ZNF79: variants seen among roughly 807,000 people sequenced by gnomAD.
ZNF79 encodes zinc finger protein 79.
A neutral mutation model predicts 14.9 loss-of-function variants in ZNF79; 13 were observed. That is an observed-to-expected ratio of 0.87 (90% CI 0.57 to 1.38). The LOEUF is 1.38. Among genes scored for constraint, ZNF79 ranks in the 40% most tolerant of loss-of-function variants. The pLI, the probability that ZNF79 is intolerant of heterozygous loss-of-function variation, is 0.00. For synonymous variants in ZNF79, 223 were observed against 235.1 expected, an observed-to-expected ratio of 0.95 and a Z score of 0.47; for missense variants, 631 against 630.6, an observed-to-expected ratio of 1.00 and a Z score of -0.01.
Position 127,445,099 on chromosome 9 carries a change from C to T in ZNF79, c.1399C>T (p.His467Tyr). 4 of 1,614,026 alleles carry T rather than the reference C, an allele frequency of 2.5e-6. No homozygotes were observed. The highest frequency in any genetic ancestry group is 3.4e-6 in the Non-Finnish European group (4 of 1,179,996). Reference protein sequence around the residue: ...SSSLSQHQRIHTGVKPYECSE... With the variant: ...SSSLSQHQRIYTGVKPYECSE... ...ATCCCTTAGTCAGCATCAGAGAATCCACACAGGCGTGAAACCCTACGAATG... is the reference window on the plus strand; with the variant it reads ...ATCCCTTAGTCAGCATCAGAGAATCTACACAGGCGTGAAACCCTACGAATG... Residue 467 changes from histidine (H) to tyrosine (Y), a missense_variant, in exon 5 of 5, where the codon CAC becomes TAC. Transcript: ENST00000342483.
chr9:127,431,984 G>C (rs542657631), intron 2 of ZNF79, among the ~76,000 whole-genome samples: 1 of 152,206 alleles, frequency 6.6e-6, no homozygotes, highest in East Asian at 1.9e-4. Context: ...TTTGTTTCAC[G>C]TAGTCCTATG....
rs768696043 is a variant in ZNF79 at position 127,424,760 on chromosome 9, G to C, written c.-28G>C. 6.2e-7 allele frequency: 1 copy of C among 1,613,776 alleles called. No homozygotes were observed. The highest frequency in any genetic ancestry group is 1.7e-5 in the Admixed American group (1 of 60,004). ...GACCCTTACGCCCAGAGAACTGCTG[G>C]GAGGCTGTGGCGCGAGGCGGGACTC... On this transcript the variant is annotated 5_prime_UTR_variant, in exon 1 of 5. Coordinates refer to ENST00000342483, the MANE Select transcript of ZNF79 (RefSeq NM_007135.3).
chr9:127,427,252 C>CT (rs1833773269), intron 1 of ZNF79, among the ~76,000 whole-genome samples: 1 of 127,402 alleles, frequency 7.8e-6, no homozygotes, highest in African/African-American at 2.9e-5. Context: ...ACCCCGTCTA[C>CT]TAAAAAAAAA....
intron 1 of ZNF79, among the ~76,000 whole-genome samples, chr9:127,426,607 C>T (rs1397446580): frequency 2.6e-5 from 4 of 152,174 alleles, no homozygotes; most frequent in South Asian, 2.1e-4. Context: ...AACGCCTGAC[C>T]TCAGGCAATC....
At chr9:127,428,671 G>A (rs1336838313) in intron 1 of ZNF79, 161 bp from the exon 2 acceptor site, 3 of 1,242,840 alleles carry the variant, frequency 2.4e-6, no homozygotes, top group Non-Finnish European at 3.0e-6. Context: ...GTGAGTTGAT[G>A]GAATTTCTGA....
chr9:127,424,764 G>A lies in ZNF79; in HGVS notation c.-24G>A. 1 of 1,613,834 alleles carries A rather than the reference G, an allele frequency of 6.2e-7. No homozygotes were observed. The highest frequency in any genetic ancestry group is 1.7e-5 in the Admixed American group (1 of 60,002). ...CTTACGCCCAGAGAACTGCTGGGAG[G>A]CTGTGGCGCGAGGCGGGACTCAAAT... On this transcript the variant is annotated 5_prime_UTR_variant, in exon 1 of 5. Coordinates refer to ENST00000342483, the MANE Select transcript of ZNF79 (RefSeq NM_007135.3).
chr9:127,432,526 A>G (rs901755992), intron 2 of ZNF79, among the ~76,000 whole-genome samples: 2 of 115,058 alleles, frequency 1.7e-5, no homozygotes, highest in South Asian at 3.1e-4. Flanking sequence ...GTTTTTGGCT[A>G]TGTATTTTTT....
At chr9:127,438,763 C>CAG (rs944893044) in intron 4 of ZNF79, among the ~76,000 whole-genome samples, 2 of 152,056 alleles carry the variant, frequency 1.3e-5, no homozygotes, top group Non-Finnish European at 2.9e-5. Flanking sequence ...AGGGGGAGGT[C>CAG]AGAGAGAGAG....
intron 4 of ZNF79, among the ~76,000 whole-genome samples, chr9:127,442,320 GA>G (rs1834063598): frequency 6.6e-6 from 1 of 150,644 alleles, no homozygotes; most frequent in African/African-American, 2.4e-5. Context: ...AGAATTGCTT[GA>G]ACTCAGGAGG....
intron 4 of ZNF79, 140 bp downstream of exon 4, chr9:127,436,143 G>A: frequency 1.4e-6 from 1 of 700,634 alleles, no homozygotes; most frequent in Non-Finnish European, 2.4e-6. Flanking sequence ...ATGGAGCTGA[G>A]AAAGGCTGGC....
In ZNF79 at chr9:127,444,558, C is replaced by T; in HGVS notation, c.858C>T (p.Phe286=). Residue 286 remains phenylalanine (F), a synonymous_variant, in exon 5 of 5, where the codon TTC becomes TTT. Transcript: ENST00000342483. ...PYRCSECEKA[F]SDCSALVQHQ... ...GATGCAGCGAGTGTGAGAAAGCCTT[C>T]AGTGACTGCTCAGCTCTTGTTCAGC... is the stretch of plus-strand genomic sequence containing the variant. 1.2e-6 allele frequency: 2 copies of T among 1,614,198 alleles called. No individual in the cohort carries two copies. The highest frequency in any genetic ancestry group is 1.1e-5 in the South Asian group (1 of 91,082).
intron 1 of ZNF79, among the ~76,000 whole-genome samples, chr9:127,426,914 G>A (rs936084818): frequency 4.6e-5 from 7 of 152,108 alleles, no homozygotes; most frequent in Admixed American, 3.3e-4. Context: ...TCTCAGCAGT[G>A]TATGAGGTTT....
chr9:127,435,469 C>G (rs892674158), intron 3 of ZNF79, among the ~76,000 whole-genome samples: 16 of 152,186 alleles, frequency 1.1e-4, no homozygotes, highest in Admixed American at 9.8e-4. Context: ...GTCATTTCCT[C>G]TATGTTCAGT....
At position 127,445,180 on chromosome 9, in the gene ZNF79, C is replaced by G. The variant is rs1309015906; in HGVS notation, c.1480C>G (p.Leu494Val). 6.2e-7 allele frequency: 1 copy of G among 1,614,062 alleles called. No individual in the cohort carries two copies. Among genetic ancestry groups the G allele is most frequent in the Non-Finnish European group, 8.5e-7 (1 of 1,179,932 alleles). Residue 494 changes from leucine to valine, a missense_variant, in exon 5 of 5, where the codon CTC becomes GTC. Leu to Val is a conservative substitution (Grantham distance 32, BLOSUM62 1). Transcript: ENST00000342483. ...CSSAFVRHQR[L>V]HAGE is the part of the protein sequence containing the mutation. ...CTCTGCCTTCGTTAGACATCAGAGACTCCACGCCGGAGAGTAACTAGGAAC... is the reference window on the plus strand; with the variant it reads ...CTCTGCCTTCGTTAGACATCAGAGAGTCCACGCCGGAGAGTAACTAGGAAC...
At chr9:127,424,902 C>G in intron 1 of ZNF79, 99 bp downstream of exon 1, 1 of 1,579,556 alleles carries the variant, frequency 6.3e-7, no homozygotes, top group South Asian at 1.1e-5. Flanking sequence ...CTCTTTATCT[C>G]TCCTACAGGT....
chr9:127,436,083 C>A, intron 4 of ZNF79, 80 bp downstream of exon 4: 1 of 1,209,270 alleles, frequency 8.3e-7, no homozygotes, highest in South Asian at 1.2e-5. Flanking sequence ...ATTTGATTAT[C>A]ATAACAACTG....
At chr9:127,438,427 T>G (rs1323708630) in intron 4 of ZNF79, among the ~76,000 whole-genome samples, 1 of 152,232 alleles carries the variant, frequency 6.6e-6, no homozygotes. Flanking sequence ...GGAGCTTTCA[T>G]GCCTTCCCTG....
Position 127,437,157 on chromosome 9 carries a change from A to G in ZNF79, c.328+1154A>G, listed in dbSNP as rs115347700. ...TGCTGCTGATAGGGCAATGGGCACA[A>G]GCCCCTGGAGCATTCTTTGCATGGT... On this transcript the variant is annotated intron_variant, in intron 4 of 4. Transcript: ENST00000342483. 7.3e-3 allele frequency among the ~76,000 whole-genome samples: 1,103 copies of G among 152,082 alleles called. 11 individuals are homozygous for G. The highest frequency in any genetic ancestry group is 0.025 in the African/African-American group (1,045 of 41,476).
intron 4 of ZNF79, among the ~76,000 whole-genome samples, chr9:127,438,548 A>G (rs1165515920): frequency 1.3e-5 from 2 of 152,164 alleles, no homozygotes; most frequent in Non-Finnish European, 1.5e-5. Flanking sequence ...CACGGACAGC[A>G]TGTTGAGATG....
Sources: allele counts gnomAD v4.1 joint callset (sites outside exome capture counted in the v4.1 genomes callset), GRCh38; gene constraint gnomAD v4.1.1; transcripts MANE v1.5; gene names NCBI Gene and HGNC (gene_info 2026-07-23, HGNC 2026-07-21).